GALNT13: variants seen among roughly 807,000 people sequenced by gnomAD.
The protein encoded by GALNT13 is polypeptide N-acetylgalactosaminyltransferase 13, also known as UDP-GalNAc:polypeptide N-acetylgalactosaminyltransferase 13.
Under a neutral mutation model 64.2 loss-of-function variants are expected in GALNT13, and 28 were observed. The ratio of observed to expected loss-of-function variants is 0.44; its 90% CI spans 0.32 to 0.60. The LOEUF (loss-of-function observed/expected upper bound fraction) is 0.60. Among genes scored for constraint, GALNT13 ranks in the 20% least tolerant of loss-of-function variants. GALNT13 has a pLI of 0.05. For synonymous variants in GALNT13, 214 were observed against 224.6 expected (o/e 0.95, Z 0.42); for missense variants, 577 against 669.8 (o/e 0.86, Z 1.53).
intron 3 of GALNT13, among the ~76,000 whole-genome samples, chr2:154,054,156 A>G (rs1423930656): frequency 6.6e-6 from 1 of 151,878 alleles, no homozygotes; most frequent in East Asian, 1.9e-4. Context: ...TTATCTTTTG[A>G]GTCTATATTA....
At chr2:154,335,569 G>A (rs1351555587) in intron 9 of GALNT13, among the ~76,000 whole-genome samples, 1 of 152,042 alleles carries the variant, frequency 6.6e-6, no homozygotes, top group East Asian at 1.9e-4. Flanking sequence ...AAATACAATA[G>A]ACTCCTGGGA....
At chr2:154,101,893 G>C (rs1256955359) in intron 3 of GALNT13, among the ~76,000 whole-genome samples, 3 of 151,858 alleles carry the variant, frequency 2.0e-5, no homozygotes, top group African/African-American at 7.3e-5. Flanking sequence ...TAATTTCCTT[G>C]TTCACCCAAA....
At chr2:153,840,055 A>G in the GALNT13 span, among the ~76,000 whole-genome samples, 6 of 152,082 alleles carry the variant, frequency 3.9e-5, no homozygotes, top group African/African-American at 7.2e-5. Flanking sequence ...CTTATTGCCA[A>G]TTAATGTGGG....
intron 9 of GALNT13, among the ~76,000 whole-genome samples, chr2:154,322,696 A>G (rs1011041850): frequency 1.3e-5 from 2 of 152,230 alleles, no homozygotes. Flanking sequence ...GTTTTCTCTT[A>G]CTATATAACA....
chr2:153,622,454 T>C, the GALNT13 span, among the ~76,000 whole-genome samples: 1 of 152,310 alleles, frequency 6.6e-6, no homozygotes, highest in African/African-American at 2.4e-5. Flanking sequence ...ATTTTTGGCA[T>C]TTCTTTAGAA....
At chr2:154,424,279 C>T (rs939278564) in intron 11 of GALNT13, among the ~76,000 whole-genome samples, 12 of 152,126 alleles carry the variant, frequency 7.9e-5, no homozygotes, top group Non-Finnish European at 1.3e-4. Flanking sequence ...TGGAGCCTGA[C>T]AGACCATAGT....
the GALNT13 span, among the ~76,000 whole-genome samples, chr2:153,696,378 T>C: frequency 6.6e-6 from 1 of 152,064 alleles, no homozygotes; most frequent in South Asian, 2.1e-4. Context: ...CCACCTAGAA[T>C]GAGGATGAGT....
the GALNT13 span, among the ~76,000 whole-genome samples, chr2:153,806,560 CAGAA>C: frequency 2.0e-5 from 3 of 151,154 alleles, no homozygotes; most frequent in Non-Finnish European, 4.4e-5. Context: ...GCCAATGTCA[CAGAA>C]AGAAAGGCAA....
chr2:154,363,627 T>C (rs1697201756), intron 9 of GALNT13, among the ~76,000 whole-genome samples: 1 of 152,242 alleles, frequency 6.6e-6, no homozygotes. Flanking sequence ...GTCTATATGC[T>C]GAAATGTAAA....
At chr2:154,139,815 C>G (rs986666541) in intron 3 of GALNT13, among the ~76,000 whole-genome samples, 4 of 151,976 alleles carry the variant, frequency 2.6e-5, no homozygotes, top group Non-Finnish European at 5.9e-5. Flanking sequence ...CACATAGTAT[C>G]CAAATTTCAA....
chr2:154,314,088 G>T (rs561318694), intron 9 of GALNT13, among the ~76,000 whole-genome samples: 2 of 152,236 alleles, frequency 1.3e-5, no homozygotes, highest in South Asian at 4.1e-4. Context: ...CTGAGTTTTT[G>T]TTTGATGTAG....
the GALNT13 span, among the ~76,000 whole-genome samples, chr2:153,832,153 A>T: frequency 6.6e-6 from 1 of 152,190 alleles, no homozygotes; most frequent in Non-Finnish European, 1.5e-5. Flanking sequence ...GGTTCCATCA[A>T]TGCCTGAATA....
the GALNT13 span, among the ~76,000 whole-genome samples, chr2:153,328,582 T>TC: frequency 0.022 from 3,398 of 152,252 alleles, 122 homozygotes; most frequent in African/African-American, 0.076. Context: ...AGTTCGAACT[T>TC]CCCGGTGGCT....
chr2:153,794,656 G>C, the GALNT13 span, among the ~76,000 whole-genome samples: 2 of 152,050 alleles, frequency 1.3e-5, 1 homozygote, highest in East Asian at 3.9e-4. Context: ...GAGTAGCTGG[G>C]ATTACAGGCG....
At chr2:154,309,310 C>CATTT (rs10694792) in intron 9 of GALNT13, among the ~76,000 whole-genome samples, 96,704 of 151,578 alleles carry the variant, frequency 0.64, 31,347 homozygotes, top group African/African-American at 0.76. Context: ...CAAATCCATT[C>CATTT]GTCTTCATTT....
the GALNT13 span, among the ~76,000 whole-genome samples, chr2:153,242,377 GA>G: frequency 1.1e-4 from 17 of 152,140 alleles, no homozygotes; most frequent in South Asian, 2.3e-3. Context: ...TAGAAAGAAA[GA>G]AAGAAAGGAA....
the GALNT13 span, among the ~76,000 whole-genome samples, chr2:153,406,332 T>C: frequency 2.6e-5 from 4 of 152,178 alleles, no homozygotes; most frequent in African/African-American, 9.7e-5. Flanking sequence ...ATTTTATTTA[T>C]TTATATGTTT....
At chr2:153,866,408 C>A in the GALNT13 span, among the ~76,000 whole-genome samples, 1 of 152,168 alleles carries the variant, frequency 6.6e-6, no homozygotes, top group Non-Finnish European at 1.5e-5. Flanking sequence ...AACCACCTCC[C>A]TTTATAAACA....
intron 7 of GALNT13, among the ~76,000 whole-genome samples, chr2:154,256,752 T>A (rs1485922158): frequency 1.3e-5 from 2 of 152,218 alleles, no homozygotes; most frequent in African/African-American, 2.4e-5. Flanking sequence ...ACTTACTATG[T>A]GTGGTAGGTA....
Sources: gnomAD v4.1 joint callset for allele counts (sites outside exome capture counted in the v4.1 genomes callset) on GRCh38, gnomAD v4.1.1 for gene constraint, MANE v1.5 for transcripts, NCBI Gene and HGNC (gene_info 2026-07-23, HGNC 2026-07-21) for gene names.